ZSCAN5A: variants seen among roughly 807,000 people sequenced by gnomAD.
The protein encoded by ZSCAN5A is zinc finger and SCAN domain-containing protein 5A.
A neutral mutation model predicts 23.7 loss-of-function variants in ZSCAN5A; 12 were observed. The ratio of observed to expected loss-of-function variants is 0.51; its 90% CI spans 0.32 to 0.82. ZSCAN5A has a LOEUF of 0.82. Among genes scored for constraint, ZSCAN5A ranks in the 40% least tolerant of loss-of-function variants. The pLI is 0.03. For missense variants in ZSCAN5A, 597 were observed against 617.9 expected, an observed-to-expected ratio of 0.97 and a Z score of 0.36; for synonymous variants, 257 against 239.9, an observed-to-expected ratio of 1.07 and a Z score of -0.66.
intron 2 of ZSCAN5A, among the ~76,000 whole-genome samples, chr19:56,261,928 A>G (rs1458687583): frequency 6.6e-6 from 1 of 152,216 alleles, no homozygotes; most frequent in Admixed American, 6.5e-5. Flanking sequence ...ATAGATTCAC[A>G]TAACTATGAC....
intron 2 of ZSCAN5A, among the ~76,000 whole-genome samples, chr19:56,280,428 T>C (rs1244314755): frequency 9.9e-5 from 15 of 152,164 alleles, no homozygotes; most frequent in Admixed American, 9.8e-4. Context: ...TTACATGAAA[T>C]TAGACATATA....
chr19:56,359,403 C>G (rs1385547985), intron 2 of ZSCAN5A, among the ~76,000 whole-genome samples: 4 of 152,098 alleles, frequency 2.6e-5, no homozygotes, highest in African/African-American at 4.8e-5. Context: ...CTGAATAGAC[C>G]AATAACAAGT....
intron 2 of ZSCAN5A, among the ~76,000 whole-genome samples, chr19:56,293,110 T>C (rs992731859): frequency 1.3e-5 from 2 of 152,212 alleles, no homozygotes; most frequent in African/African-American, 4.8e-5. Flanking sequence ...TCTATGCAGC[T>C]TGAGCCTCAG....
chr19:56,282,446 T>C, intron 2 of ZSCAN5A: 1 of 983,318 alleles, frequency 1.0e-6, no homozygotes, highest in Non-Finnish European at 1.2e-6. Flanking sequence ...TGGTTCCCAC[T>C]GGCTACCATC....
At chr19:56,313,576 G>A (rs1231067187) in intron 1 of ZSCAN5A, among the ~76,000 whole-genome samples, 192 bp from the exon 2 acceptor site, 1 of 152,158 alleles carries the variant, frequency 6.6e-6, no homozygotes, top group Non-Finnish European at 1.5e-5. Context: ...AGGTAAGTTA[G>A]GCAAAAATGA....
intron 2 of ZSCAN5A, among the ~76,000 whole-genome samples, chr19:56,291,646 T>A (rs2039516029): frequency 6.6e-6 from 1 of 152,134 alleles, no homozygotes; most frequent in Non-Finnish European, 1.5e-5. Context: ...AAGAGTCTTG[T>A]TTCACATTTG....
At chr19:56,296,717 G>T (rs980401457) in intron 2 of ZSCAN5A, among the ~76,000 whole-genome samples, 6 of 152,060 alleles carry the variant, frequency 3.9e-5, no homozygotes, top group Admixed American at 3.9e-4. Context: ...AGAGTAATGG[G>T]GATGGAAACG....
At chr19:56,319,875 T>G (rs2041356989) in intron 2 of ZSCAN5A, 1 of 835,726 alleles carries the variant, frequency 1.2e-6, no homozygotes, top group South Asian at 1.3e-5. Context: ...CCAGACACCC[T>G]TCCTTTTTGA....
chr19:56,288,032 T>G (rs952136428), intron 2 of ZSCAN5A, among the ~76,000 whole-genome samples: 12 of 152,184 alleles, frequency 7.9e-5, no homozygotes, highest in Non-Finnish European at 1.5e-4. Context: ...ATGAGGAGAC[T>G]GAGGCACAAG....
chr19:56,340,097 TTGGA>T (rs970590711), intron 2 of ZSCAN5A, among the ~76,000 whole-genome samples: 2 of 151,886 alleles, frequency 1.3e-5, no homozygotes, highest in African/African-American at 2.4e-5. Flanking sequence ...CAAATGGAAA[TTGGA>T]TTCCATTTGG....
chr19:56,322,222 G>T, intron 2 of ZSCAN5A: 1 of 934,188 alleles, frequency 1.1e-6, no homozygotes, highest in Non-Finnish European at 1.8e-6. Context: ...GTTTCCTTCT[G>T]TAATAAGCAA....
intron 2 of ZSCAN5A, among the ~76,000 whole-genome samples, chr19:56,234,974 C>A (rs1446359131): frequency 6.6e-6 from 1 of 152,240 alleles, no homozygotes; most frequent in East Asian, 1.9e-4. Context: ...GCACTTGCAG[C>A]CAGTTCTAGG....
rs184130706 is a variant in ZSCAN5A at position 56,251,859 on chromosome 19, G to C, written c.-127-26686C>G. On this transcript the variant is annotated intron_variant, in intron 2 of 5. Transcript: ENST00000683990. ...ATTACAGATGTGAACCAGCACACCT[G>C]GGCAAGAATTGTTTTTTATATTTTT... Among the ~76,000 whole-genome samples the C allele has an allele frequency of 4.1e-3, 627 of 152,254 alleles. 6 individuals carry two copies. Among genetic ancestry groups the C allele is most frequent in the Non-Finnish European group, 6.4e-3 (433 of 68,032 alleles).
At chr19:56,288,267 G>A (rs962226690) in intron 2 of ZSCAN5A, among the ~76,000 whole-genome samples, 13 of 152,064 alleles carry the variant, frequency 8.5e-5, no homozygotes, top group African/African-American at 1.7e-4. Context: ...TCAAGCCCCC[G>A]GCAGCTGCAG....
chr19:56,255,956 G>A (rs2036664786), intron 2 of ZSCAN5A, among the ~76,000 whole-genome samples: 4 of 152,286 alleles, frequency 2.6e-5, no homozygotes, highest in African/African-American at 9.6e-5. Flanking sequence ...ATACATGCAT[G>A]TAGTGAATAC....
intron 2 of ZSCAN5A, chr19:56,347,264 C>G (rs1180372714): frequency 6.6e-6 from 1 of 152,236 alleles, no homozygotes; most frequent in South Asian, 2.1e-4. Flanking sequence ...TAAATGGTTA[C>G]AGGAAAGCAA....
intron 2 of ZSCAN5A, among the ~76,000 whole-genome samples, chr19:56,290,917 A>G (rs1169659350): frequency 1.3e-5 from 2 of 152,136 alleles, no homozygotes; most frequent in African/African-American, 4.8e-5. Flanking sequence ...GCAACTATCC[A>G]AAGAAGGGAA....
chr19:56,275,323 C>T (rs1009583007), intron 2 of ZSCAN5A, among the ~76,000 whole-genome samples: 1 of 152,064 alleles, frequency 6.6e-6, no homozygotes, highest in African/African-American at 2.4e-5. Flanking sequence ...TTTCTATTCC[C>T]CTTATTCATC....
At chr19:56,291,508 G>A (rs2039508177) in intron 2 of ZSCAN5A, among the ~76,000 whole-genome samples, 1 of 152,152 alleles carries the variant, frequency 6.6e-6, no homozygotes, top group Admixed American at 6.5e-5. Flanking sequence ...GGTGGGAGGA[G>A]CTAGGAAGAA....
Sources: gnomAD v4.1 joint callset for allele counts (sites outside exome capture counted in the v4.1 genomes callset) on GRCh38, gnomAD v4.1.1 for gene constraint, MANE v1.5 for transcripts, NCBI Gene and HGNC (gene_info 2026-07-23, HGNC 2026-07-21) for gene names.